Variants in NHSL1 observed in about 807,000 individuals in gnomAD.
NHSL1 encodes NHS like 1.
Under a neutral mutation model 95.0 loss-of-function variants are expected in NHSL1, and 48 were observed. That is an observed-to-expected ratio of 0.51 (90% CI 0.40 to 0.64). The LOEUF (loss-of-function observed/expected upper bound fraction) is 0.64. NHSL1 is among the 30% of genes least tolerant of loss of function. The pLI, the probability that NHSL1 is intolerant of heterozygous loss-of-function variation, is 0.00. For missense variants in NHSL1, 1,971 were observed against 2,077.7 expected (o/e 0.95, Z 1.00); for synonymous variants, 783 against 833.9 (o/e 0.94, Z 1.05).
chr6:138,557,414 C>G (rs754299369), intron 1 of NHSL1, among the ~76,000 whole-genome samples: 11 of 152,184 alleles, frequency 7.2e-5, no homozygotes, highest in South Asian at 2.1e-4. Context: ...CAGACCCCCC[C>G]ACACAAGGTA....
chr6:138,547,395 T>TC (rs1422636576), upstream of NHSL1, among the ~76,000 whole-genome samples: 1 of 152,016 alleles, frequency 6.6e-6, no homozygotes, highest in African/African-American at 2.4e-5. Flanking sequence ...TCTTTTTTTT[T>TC]CCCCTGAGAG....
chr6:138,605,854 A>C (rs1350749693), intron 1 of NHSL1, among the ~76,000 whole-genome samples: 1 of 152,260 alleles, frequency 6.6e-6, no homozygotes, highest in Non-Finnish European at 1.5e-5. Context: ...GCTATCAAGC[A>C]AGGCAGAAGT....
intron 1 of NHSL1, among the ~76,000 whole-genome samples, chr6:138,597,731 T>C (rs6926314): frequency 6.6e-6 from 1 of 152,202 alleles, no homozygotes; most frequent in Admixed American, 6.5e-5. Flanking sequence ...GCAATGAATA[T>C]GAAAAGGTAA....
At chr6:138,449,199 T>C (rs1457152324) in intron 3 of NHSL1, among the ~76,000 whole-genome samples, 2 of 152,182 alleles carry the variant, frequency 1.3e-5, no homozygotes, top group East Asian at 3.9e-4. Context: ...CAAGAGCTAA[T>C]GAAAATAGTT....
chr6:138,516,836 T>A (rs1027417293), intron 1 of NHSL1, among the ~76,000 whole-genome samples: 3 of 152,122 alleles, frequency 2.0e-5, no homozygotes, highest in African/African-American at 7.2e-5. Context: ...GGTTTCACCA[T>A]GTTGCCCAGG....
intron 1 of NHSL1, among the ~76,000 whole-genome samples, chr6:138,669,147 G>C (rs973535752): frequency 1.3e-5 from 2 of 152,064 alleles, no homozygotes; most frequent in African/African-American, 4.8e-5. Context: ...TATTCTGCTT[G>C]AGAAGATAGG....
chr6:138,448,687 T>C (rs1777024176), intron 3 of NHSL1, among the ~76,000 whole-genome samples: 1 of 152,228 alleles, frequency 6.6e-6, no homozygotes, highest in Admixed American at 6.5e-5. Context: ...TTACAAGGCA[T>C]GTTTTAACCT....
At chr6:138,566,853 GTC>G (rs1783637353) in intron 1 of NHSL1, among the ~76,000 whole-genome samples, 1 of 152,170 alleles carries the variant, frequency 6.6e-6, no homozygotes, top group Non-Finnish European at 1.5e-5. Flanking sequence ...CTCACTGTGT[GTC>G]TCTTTCACAG....
chr6:138,435,656 A>T (rs9402974), intron 5 of NHSL1, among the ~76,000 whole-genome samples: 14,051 of 152,106 alleles, frequency 0.092, 903 homozygotes, highest in East Asian at 0.27. Context: ...TGAATGCTAT[A>T]GATGCATACG....
chr6:138,493,661 C>T (rs192783202), intron 2 of NHSL1, among the ~76,000 whole-genome samples: 3 of 152,314 alleles, frequency 2.0e-5, no homozygotes, highest in Admixed American at 1.3e-4. Context: ...GGCACTGCCT[C>T]GGGGATTTGT....
chr6:138,631,044 C>T (rs1406617407), intron 1 of NHSL1, among the ~76,000 whole-genome samples: 1 of 152,162 alleles, frequency 6.6e-6, no homozygotes, highest in African/African-American at 2.4e-5. Flanking sequence ...GGACAGTGTT[C>T]CTGTGCTCTG....
chr6:138,472,183 C>CAA lies in NHSL1; in HGVS notation c.339+1121_339+1122dup, dbSNP rs10668786. Among the ~76,000 whole-genome samples the CAA allele has an allele frequency of 7.4e-3, 682 of 92,374 alleles. 13 individuals are homozygous for CAA. The highest frequency in any genetic ancestry group is 0.019 in the African/African-American group (486 of 26,252). The allele number at this position is 92,374 out of a possible 152,430, so 60.6% of individuals were successfully genotyped here. On this transcript the variant is annotated intron_variant, in intron 3 of 7. Coordinates refer to ENST00000343505, the MANE Select transcript of NHSL1 (RefSeq NM_001144060.2). Reference sequence around the variant, plus strand: ...GGCGACAGAGCAAGCAAGATCTCACCAAAAAAAAAAAAAAAAAGAATCTAA... The same window carrying CAA: ...GGCGACAGAGCAAGCAAGATCTCACCAAAAAAAAAAAAAAAAAAAGAATCTAA...
chr6:138,424,487 T>C lies in NHSL1; in HGVS notation c.4415A>G (p.Asn1472Ser), dbSNP rs1284290538. Residue 1472 changes from asparagine to serine, a missense_variant, in exon 8 of 8, where the codon AAC (asparagine) becomes AGC (serine). Asn to Ser is a conservative substitution (Grantham distance 46). Around this residue, in one of 3 missense-constraint regions of NHSL1, gnomAD observed 223 missense variants for 217.0 expected, o/e 1.03. Transcript: ENST00000343505. This position sits in a 1 kb window ranked among gnomAD's most constrained non-coding sequence, Gnocchi z 5.9. ...GGCCCACTCCTCCTGCGCCCTTCTG[T>C]TCTTGCTTGGGGAGCAGCTTGACGG... Reference protein sequence around the residue: ...ESPSSCSPSKNRRAQEEWAKN... With the variant: ...ESPSSCSPSKSRRAQEEWAKN... 2.7e-5 allele frequency: 42 copies of C among 1,551,388 alleles called. No homozygotes were observed. In the East Asian group the frequency reaches 5.6e-4, roughly 21 times the overall value.
chr6:138,441,648 G>C (rs142661938), intron 5 of NHSL1, among the ~76,000 whole-genome samples: 17 of 152,268 alleles, frequency 1.1e-4, no homozygotes, highest in Admixed American at 1.1e-3. Context: ...GAAAACTTAA[G>C]ATCTAAATGA....
At chr6:138,469,234 A>T (rs1450391321) in intron 3 of NHSL1, among the ~76,000 whole-genome samples, 1 of 152,214 alleles carries the variant, frequency 6.6e-6, no homozygotes, top group Non-Finnish European at 1.5e-5. Flanking sequence ...AAGCCAACTA[A>T]GCAGCCAATC....
At chr6:138,559,941 CACAA>C (rs891137274) in intron 1 of NHSL1, among the ~76,000 whole-genome samples, 2 of 152,114 alleles carry the variant, frequency 1.3e-5, no homozygotes, top group African/African-American at 4.8e-5. Flanking sequence ...TTACTTTGGA[CACAA>C]ACAAAACTTT....
At chr6:138,501,514 A>AG (rs1192445005), upstream of NHSL1, among the ~76,000 whole-genome samples, 2 of 152,316 alleles carry the variant, frequency 1.3e-5, no homozygotes, top group East Asian at 3.9e-4. Context: ...AAAACCTTGA[A>AG]GGAGGCAATG....
intron 1 of NHSL1, chr6:138,650,838 A>AGGTCACAGT (rs1218373059): frequency 1.8e-6 from 1 of 540,800 alleles, no homozygotes; most frequent in Non-Finnish European, 3.8e-6. Flanking sequence ...CATGCTACCC[A>AGGTCACAGT]GGTCACAGTG....
At chr6:138,520,321 G>A (rs1781627003) in intron 1 of NHSL1, among the ~76,000 whole-genome samples, 1 of 106,834 alleles carries the variant, frequency 9.4e-6, no homozygotes, top group South Asian at 3.3e-4. Flanking sequence ...ATGGAGTCCC[G>A]CTCTGTCACC....
Sources: gnomAD v4.1 joint callset for allele counts (sites outside exome capture counted in the v4.1 genomes callset) on GRCh38, gnomAD v4.1.1 for gene constraint, gnomAD v4.1.1 regional missense constraint, Gnocchi (gnomAD v3.1) non-coding constraint, MANE v1.5 for transcripts, NCBI Gene and HGNC (gene_info 2026-07-23, HGNC 2026-07-21) for gene names.